PDE3B: variants seen among roughly 807,000 people sequenced by gnomAD.
The protein encoded by PDE3B is cGMP-inhibited 3',5'-cyclic phosphodiesterase 3B.
A neutral mutation model predicts 116.8 loss-of-function variants in PDE3B; 66 were observed. That is an observed-to-expected ratio of 0.56 (90% CI 0.46 to 0.69). The LOEUF (loss-of-function observed/expected upper bound fraction) is 0.69. Ranked by LOEUF, PDE3B falls within the 30% of genes least tolerant of loss-of-function variation. The probability of loss-of-function intolerance (pLI) is 0.00; values close to 1 mark genes in which losing one functional copy is unlikely to be tolerated. For synonymous variants in PDE3B, 595 were observed against 533.6 expected (o/e 1.12, Z -1.59); for missense variants, 1,384 against 1,368.1 (o/e 1.01, Z -0.18).
chr11:14,674,096 C>T, intron 1 of PDE3B: 1 of 1,532,052 alleles, frequency 6.5e-7, no homozygotes, highest in South Asian at 1.1e-5. Context: ...TTAACTTCAA[C>T]TCTGTTCATG....
chr11:14,770,219 C>G (rs1431270175), intron 1 of PDE3B, among the ~76,000 whole-genome samples: 1 of 151,124 alleles, frequency 6.6e-6, no homozygotes, highest in Non-Finnish European at 1.5e-5. Context: ...TCGTATGGCT[C>G]TGTTTTCACT....
intron 1 of PDE3B, among the ~76,000 whole-genome samples, chr11:14,770,700 C>G (rs1483240875): frequency 2.0e-5 from 3 of 151,504 alleles, no homozygotes; most frequent in Non-Finnish European, 4.4e-5. Context: ...CACTGGTTCA[C>G]AAGTCTTCTG....
At chr11:14,749,369 A>G (rs1001587387) in intron 1 of PDE3B, among the ~76,000 whole-genome samples, 1 of 152,150 alleles carries the variant, frequency 6.6e-6, no homozygotes, top group African/African-American at 2.4e-5. Flanking sequence ...TACTGATCCA[A>G]TGATGAGTAA....
chr11:14,692,754 C>G (rs1451530073), intron 1 of PDE3B, among the ~76,000 whole-genome samples: 1 of 151,988 alleles, frequency 6.6e-6, no homozygotes, highest in Non-Finnish European at 1.5e-5. Context: ...CTTGGACCTC[C>G]CTATTCCCTG....
chr11:14,814,609 A>G (rs961312456), intron 5 of PDE3B, among the ~76,000 whole-genome samples: 21 of 152,160 alleles, frequency 1.4e-4, no homozygotes, highest in African/African-American at 5.1e-4. Context: ...TACTTACCAT[A>G]TGGGATTAGA....
intron 7 of PDE3B, among the ~76,000 whole-genome samples, 161 bp downstream of exon 7, chr11:14,819,370 T>A (rs545157013): frequency 2.0e-5 from 3 of 152,144 alleles, no homozygotes; most frequent in African/African-American, 4.8e-5. Context: ...GAACAAATTA[T>A]AAGTAATAGA....
chr11:14,810,436 C>T (rs372880570), intron 5 of PDE3B, among the ~76,000 whole-genome samples: 169 of 151,154 alleles, frequency 1.1e-3, no homozygotes, highest in East Asian at 6.4e-3. Flanking sequence ...TTTGTTCTTG[C>T]GATAGTTTAC....
chr11:14,665,724 A>G (rs1355063347), intron 1 of PDE3B, among the ~76,000 whole-genome samples: 1 of 152,246 alleles, frequency 6.6e-6, no homozygotes, highest in Non-Finnish European at 1.5e-5. Context: ...CCAACTTACA[A>G]AGGACATGAA....
chr11:14,667,291 G>A (rs1269671713), intron 1 of PDE3B, among the ~76,000 whole-genome samples: 1 of 151,014 alleles, frequency 6.6e-6, no homozygotes, highest in Non-Finnish European at 1.5e-5. Context: ...TTGTGGGGTG[G>A]GGGGAGTGGG....
At chr11:14,729,829 G>A (rs1298978027) in intron 1 of PDE3B, among the ~76,000 whole-genome samples, 1 of 152,128 alleles carries the variant, frequency 6.6e-6, no homozygotes, top group African/African-American at 2.4e-5. Flanking sequence ...TGACTAAAAT[G>A]ATTGAATAAG....
chr11:14,885,599 T>C, the PDE3B span, among the ~76,000 whole-genome samples: 1 of 152,216 alleles, frequency 6.6e-6, no homozygotes, highest in Non-Finnish European at 1.5e-5. Flanking sequence ...AGCAATGTAC[T>C]GGTCTAAAAT....
intron 1 of PDE3B, among the ~76,000 whole-genome samples, chr11:14,744,108 C>T (rs1565118542): frequency 6.6e-6 from 1 of 152,168 alleles, no homozygotes; most frequent in Non-Finnish European, 1.5e-5. Flanking sequence ...AGGTTTATTT[C>T]TCAATTCTCA....
chr11:14,884,501 G>A, the PDE3B span, among the ~76,000 whole-genome samples: 1 of 141,940 alleles, frequency 7.0e-6, no homozygotes, highest in Non-Finnish European at 1.5e-5. Context: ...ATGGACACAG[G>A]AAGGGGAACA....
intron 1 of PDE3B, among the ~76,000 whole-genome samples, chr11:14,645,285 A>G (rs1367258671): frequency 6.6e-6 from 1 of 152,178 alleles, no homozygotes; most frequent in African/African-American, 2.4e-5. Context: ...AATAGAAATC[A>G]AATAGCCCGC....
intron 1 of PDE3B, among the ~76,000 whole-genome samples, chr11:14,757,691 T>G (rs1490736648): frequency 7.3e-6 from 1 of 136,920 alleles, no homozygotes; most frequent in African/African-American, 2.9e-5. Flanking sequence ...TCATTGTAGA[T>G]TCTGGATATT....
intron 1 of PDE3B, among the ~76,000 whole-genome samples, chr11:14,652,317 C>T (rs1294977782): frequency 6.6e-6 from 1 of 152,040 alleles, no homozygotes; most frequent in Non-Finnish European, 1.5e-5. Flanking sequence ...TTGCTAGGCT[C>T]TCTGTTCTAT....
At position 14,671,389 on chromosome 11, in the gene PDE3B, T is replaced by C. The variant is rs72869732; in HGVS notation, c.978+26336T>C. Among the ~76,000 whole-genome samples the C allele has an allele frequency of 5.6e-3, 859 of 152,136 alleles. 6 individuals carry two copies. The highest frequency in any genetic ancestry group is 8.6e-3 in the Non-Finnish European group (587 of 67,970). On this transcript the variant is annotated intron_variant, in intron 1 of 15. Transcript: ENST00000282096. ...TAGGCAGAAGAACCAGCAAAGGCCCTGTGGTGGGAAAGATCTTGACATGCT... is the reference window on the plus strand; with the variant it reads ...TAGGCAGAAGAACCAGCAAAGGCCCCGTGGTGGGAAAGATCTTGACATGCT...
intron 2 of PDE3B, chr11:14,775,708 TG>T (rs781757426): frequency 5.3e-5 from 8 of 152,164 alleles, no homozygotes; most frequent in Non-Finnish European, 1.0e-4. Context: ...TGGCTAATTT[TG>T]TATTTTTAGT....
chr11:14,715,350 C>G (rs1325469944), intron 1 of PDE3B, among the ~76,000 whole-genome samples: 2 of 152,104 alleles, frequency 1.3e-5, no homozygotes, highest in Non-Finnish European at 2.9e-5. Context: ...TTACCTTGGG[C>G]AGTATGGCCA....
Sources: allele counts gnomAD v4.1 joint callset (sites outside exome capture counted in the v4.1 genomes callset), GRCh38; gene constraint gnomAD v4.1.1; transcripts MANE v1.5; gene names NCBI Gene and HGNC (gene_info 2026-07-23, HGNC 2026-07-21).